The following PMFBP1 variants were observed in gnomAD, a reference collection of about 807,000 sequenced individuals.
PMFBP1 encodes polyamine-modulated factor 1-binding protein 1.
Under a neutral mutation model 137.8 loss-of-function variants are expected in PMFBP1, and 131 were observed. That is an observed-to-expected ratio of 0.95 (90% CI 0.82 to 1.10). The LOEUF is 1.10. Ranked by LOEUF, PMFBP1 falls within the 50% of genes least tolerant of loss-of-function variation. PMFBP1 has a pLI of 0.00. For synonymous variants in PMFBP1, 490 were observed against 450.4 expected (o/e 1.09, Z -1.11); for missense variants, 1,199 against 1,175.4 (o/e 1.02, Z -0.29).
At position 72,125,419 on chromosome 16, in the gene PMFBP1, CAA is replaced by C. The variant is rs2042441000; in HGVS notation, c.2254-16_2254-15del. 3 of 1,606,798 alleles carry C rather than the reference CAA, an allele frequency of 1.9e-6. No homozygotes were observed. Among genetic ancestry groups the C allele is most frequent in the Admixed American group, 1.7e-5 (1 of 57,918 alleles). ...CACGTGATTGAGCTTCCGGAAAAGA[CAA>C]AGAGGACGAATGGCTGTCAGAGACT... On this transcript the variant is annotated splice_polypyrimidine_tract_variant and intron_variant, in intron 15 of 20. Coordinates refer to ENST00000237353, the MANE Select transcript of PMFBP1 (RefSeq NM_031293.3).
At chr16:72,172,001 C>G (rs978954444) in intron 1 of PMFBP1, 53 bp downstream of exon 1, 3 of 152,178 alleles carry the variant, frequency 2.0e-5, no homozygotes, top group Non-Finnish European at 4.4e-5. Context: ...AAAATCATCT[C>G]ATTCATTCTG....
chr16:72,128,909 A>C, intron 13 of PMFBP1, 115 bp from the exon 14 acceptor site: 1 of 1,515,472 alleles, frequency 6.6e-7, no homozygotes, highest in Admixed American at 1.9e-5. Context: ...GCGGGAGCTC[A>C]GGCATTCTCG....
the PMFBP1 span, among the ~76,000 whole-genome samples, chr16:72,182,363 G>A: frequency 6.6e-6 from 1 of 152,066 alleles, no homozygotes. Context: ...AGGCATGGTG[G>A]TGCACACCTG....
the PMFBP1 span, among the ~76,000 whole-genome samples, chr16:72,213,134 C>T: frequency 2.0e-5 from 3 of 147,126 alleles, no homozygotes; most frequent in Non-Finnish European, 3.0e-5. Flanking sequence ...CAGACATCAA[C>T]TTAAGAAAGT....
At chr16:72,244,940 G>A in the PMFBP1 span, among the ~76,000 whole-genome samples, 1 of 152,170 alleles carries the variant, frequency 6.6e-6, no homozygotes, top group Non-Finnish European at 1.5e-5. Flanking sequence ...GCCCCGCTGC[G>A]TGATGCTCTG....
rs763782275 is a variant in PMFBP1, at chr16:72,119,934, C to G, written c.2924G>C (p.Gly975Ala). The change falls in exon 20 of 21, where the codon GGC becomes GCC. Residue 975 changes from glycine to alanine, a missense_variant. Gly to Ala is a moderately conservative substitution (Grantham distance 60). Transcript: ENST00000237353. Reference protein sequence around the residue: ...TESTQREKVCGTLGWKGLPQD... With the variant: ...TESTQREKVCATLGWKGLPQD... ...GGGCAACCCCTTCCAGCCCAAGGTGCCGCACACTTTCTCCCTCTGTGTGGA... is the reference window on the plus strand; with the variant it reads ...GGGCAACCCCTTCCAGCCCAAGGTGGCGCACACTTTCTCCCTCTGTGTGGA... 4 of 1,614,222 alleles carry G rather than the reference C, an allele frequency of 2.5e-6. No individual in the cohort carries two copies. The highest frequency in any genetic ancestry group is 3.4e-6 in the Non-Finnish European group (4 of 1,180,040).
At chr16:72,230,014 C>T in the PMFBP1 span, among the ~76,000 whole-genome samples, 7 of 152,262 alleles carry the variant, frequency 4.6e-5, no homozygotes, top group East Asian at 1.9e-4. Context: ...TTTCCATACA[C>T]GTAATTTCTC....
At chr16:72,137,463 G>A (rs539228756) in intron 7 of PMFBP1, among the ~76,000 whole-genome samples, 79 of 152,288 alleles carry the variant, frequency 5.2e-4, no homozygotes, top group African/African-American at 1.8e-3. Flanking sequence ...CGGGGGAGGC[G>A]CATGTTGCAA....
chr16:72,241,893 T>C, the PMFBP1 span, among the ~76,000 whole-genome samples: 2 of 152,356 alleles, frequency 1.3e-5, no homozygotes, highest in East Asian at 3.9e-4. Context: ...TTTCCTCCTG[T>C]GCATATAATC....
At chr16:72,209,082 G>A in the PMFBP1 span, among the ~76,000 whole-genome samples, 2 of 152,346 alleles carry the variant, frequency 1.3e-5, no homozygotes, top group South Asian at 4.1e-4. Context: ...CACATAGCCA[G>A]TGGGCCTGGA....
At chr16:72,128,403 A>C (rs1471359508) in intron 14 of PMFBP1, 7 of 1,431,126 alleles carry the variant, frequency 4.9e-6, no homozygotes, top group South Asian at 2.8e-5. Context: ...ACATTGGAAG[A>C]CTTGATGCCA....
chr16:72,226,224 G>C, the PMFBP1 span, among the ~76,000 whole-genome samples: 2 of 152,146 alleles, frequency 1.3e-5, no homozygotes, highest in Admixed American at 1.3e-4. Context: ...TTGGTTACTA[G>C]ATTATTCTGG....
upstream of PMFBP1, among the ~76,000 whole-genome samples, chr16:72,179,622 T>G (rs1251637595): frequency 6.6e-6 from 1 of 152,168 alleles, no homozygotes; most frequent in Non-Finnish European, 1.5e-5. Context: ...CTGAACAAAC[T>G]TAGCAAAAAA....
chr16:72,176,920 A>T (rs2043261310), upstream of PMFBP1: 2 of 152,232 alleles, frequency 1.3e-5, no homozygotes, highest in Non-Finnish European at 2.9e-5. Context: ...TATGTTTCTC[A>T]AATGCCCCTT....
chr16:72,140,641 T>C lies in PMFBP1; in HGVS notation c.637-59A>G, dbSNP rs140907849. 1.9e-5 allele frequency: 28 copies of C among 1,452,332 alleles called. No individual in the cohort carries two copies. In the African/African-American group the frequency reaches 2.8e-4, roughly 15 times the overall value. The allele number at this position is 1,452,332 out of a possible 1,614,324, so 90.0% of individuals were successfully genotyped here. A position where few individuals can be genotyped will look rare whatever the true frequency, so the allele number is the denominator to read the frequency against. ...TTATAGTTTGTGAGTTACTTCAGAA[T>C]TCCATGAACATGGAAAATCTCTAGA... On this transcript the variant is annotated intron_variant, in intron 5 of 20. Coordinates refer to ENST00000237353, the MANE Select transcript of PMFBP1 (RefSeq NM_031293.3).
At chr16:72,232,935 A>C in the PMFBP1 span, among the ~76,000 whole-genome samples, 1 of 152,140 alleles carries the variant, frequency 6.6e-6, no homozygotes. Context: ...AAATGGTAGG[A>C]GATAGGCAGA....
chr16:72,239,570 T>C, the PMFBP1 span, among the ~76,000 whole-genome samples: 1 of 152,232 alleles, frequency 6.6e-6, no homozygotes, highest in South Asian at 2.1e-4. Flanking sequence ...CATGTCTGGT[T>C]TATCATTACT....
chr16:72,181,263 TAATTA>T (rs200083565), upstream of PMFBP1, among the ~76,000 whole-genome samples: 1,038 of 151,134 alleles, frequency 6.9e-3, 14 homozygotes, highest in Admixed American at 0.018. Flanking sequence ...ATAATAATAA[TAATTA>T]AATTAAATTA....
chr16:72,123,214 C>G (rs970182661), intron 18 of PMFBP1, among the ~76,000 whole-genome samples: 7 of 152,156 alleles, frequency 4.6e-5, no homozygotes, highest in Non-Finnish European at 8.8e-5. Flanking sequence ...CAGGTGAGTT[C>G]AAGGGAATGA....
Sources: allele counts gnomAD v4.1 joint callset (sites outside exome capture counted in the v4.1 genomes callset), GRCh38; gene constraint gnomAD v4.1.1; transcripts MANE v1.5; gene names NCBI Gene and HGNC (gene_info 2026-07-23, HGNC 2026-07-21).